TRIO: variants seen among roughly 807,000 people sequenced by gnomAD.
TRIO encodes the protein triple functional domain protein.
A neutral mutation model predicts 351.9 loss-of-function variants in TRIO; 58 were observed. The observed-to-expected ratio is 0.16, with a 90% CI of 0.13 to 0.21. The LOEUF (loss-of-function observed/expected upper bound fraction) is 0.21, where lower values mean the gene tolerates loss of function less well. Ranked by LOEUF, TRIO falls within the 10% of genes least tolerant of loss-of-function variation. The pLI is 1.00. For missense variants in TRIO, 3,201 were observed against 4,027.8 expected (o/e 0.79, Z 5.56); for synonymous variants, 1,758 against 1,595.7 (o/e 1.10, Z -2.42).
intron 34 of TRIO, among the ~76,000 whole-genome samples, chr5:14,450,116 T>C (rs188363132): frequency 6.6e-6 from 1 of 152,278 alleles, no homozygotes; most frequent in African/African-American, 2.4e-5. Context: ...TAAGAGCCAG[T>C]GTGTACATGT....
chr5:14,363,001 CTTTTTTTTTT>C (rs34314596), intron 13 of TRIO, among the ~76,000 whole-genome samples: 1 of 136,084 alleles, frequency 7.3e-6, no homozygotes, highest in Non-Finnish European at 1.6e-5. Context: ...TTTCTATCTA[CTTTTTTTTTT>C]TTTTTTTGAG....
At chr5:14,363,142 G>T (rs1221755910) in intron 13 of TRIO, among the ~76,000 whole-genome samples, 1 of 151,942 alleles carries the variant, frequency 6.6e-6, no homozygotes, top group African/African-American at 2.4e-5. Flanking sequence ...GGGACTACAG[G>T]CACATGCCAC....
At chr5:14,189,499 A>G (rs1790330588) in intron 1 of TRIO, among the ~76,000 whole-genome samples, 1 of 152,180 alleles carries the variant, frequency 6.6e-6, no homozygotes, top group Non-Finnish European at 1.5e-5. Context: ...GTTCCTTTTT[A>G]TCATAAAGTA....
At chr5:14,387,083 G>A (rs182507009) in intron 21 of TRIO, among the ~76,000 whole-genome samples, 49 of 152,328 alleles carry the variant, frequency 3.2e-4, no homozygotes, top group Non-Finnish European at 6.3e-4. Flanking sequence ...TTTGCTCAGC[G>A]GCTTTGAGGA....
intron 1 of TRIO, among the ~76,000 whole-genome samples, chr5:14,248,421 AG>A (rs2152244109): frequency 6.6e-6 from 1 of 152,378 alleles, no homozygotes; most frequent in East Asian, 1.9e-4. Context: ...TGAGTAGATT[AG>A]GAAAGTAAAA....
intron 36 of TRIO, among the ~76,000 whole-genome samples, chr5:14,463,614 C>G (rs945376060): frequency 1.3e-5 from 2 of 151,224 alleles, no homozygotes; most frequent in Non-Finnish European, 2.9e-5. Context: ...TGCACATCCT[C>G]TAGCATTCTG....
rs561559557 is a variant in TRIO at position 14,152,274 on chromosome 5, G to A, written c.157+8392G>A. On this transcript the variant is annotated intron_variant, in intron 1 of 56. Transcript: ENST00000344204. ...TTTCAGTACCAGAGTGATGAAAGCT[G>A]GCATGCAAGGGAACATTACTAGCTC... Among the ~76,000 whole-genome samples, 23 of 152,324 alleles carry A rather than the reference G, an allele frequency of 1.5e-4. No individual in the cohort carries two copies. In the South Asian group the frequency reaches 2.3e-3, roughly 15 times the overall value.
At chr5:14,221,097 A>C (rs1792588573) in intron 1 of TRIO, among the ~76,000 whole-genome samples, 1 of 152,222 alleles carries the variant, frequency 6.6e-6, no homozygotes, top group African/African-American at 2.4e-5. Flanking sequence ...TAGATACCTT[A>C]AGAATTATGC....
intron 11 of TRIO, among the ~76,000 whole-genome samples, chr5:14,357,336 A>G (rs1743709351): frequency 6.6e-6 from 1 of 152,194 alleles, no homozygotes; most frequent in Non-Finnish European, 1.5e-5. Flanking sequence ...CATTTTCTCT[A>G]CATACAAGCC....
chr5:14,363,396 A>G (rs1452652940), intron 13 of TRIO, among the ~76,000 whole-genome samples: 1 of 152,114 alleles, frequency 6.6e-6, no homozygotes, highest in Non-Finnish European at 1.5e-5. Context: ...CATTAGGAAT[A>G]TTACTGGATT....
At chr5:14,307,297 T>G in intron 8 of TRIO, among the ~76,000 whole-genome samples, 1 of 152,212 alleles carries the variant, frequency 6.6e-6, no homozygotes. Flanking sequence ...TTTCCCCAAG[T>G]GTTCCAATGA....
intron 26 of TRIO, chr5:14,390,580 G>A (rs992115265): frequency 2.0e-5 from 11 of 537,270 alleles, no homozygotes; most frequent in African/African-American, 1.9e-4. Flanking sequence ...CAGTCCTTCT[G>A]GGGGATCGTC....
At chr5:14,229,456 T>A (rs1489781509) in intron 1 of TRIO, among the ~76,000 whole-genome samples, 1 of 152,252 alleles carries the variant, frequency 6.6e-6, no homozygotes, top group African/African-American at 2.4e-5. Flanking sequence ...GGGGATCTTT[T>A]TTCTGTACTA....
rs142970888 is a variant in TRIO at position 14,387,663 on chromosome 5, A to G, written c.3765+31A>G. ...TGGCCTTGTGCAAACTGAATAAATT[A>G]TGGTCTTCTTCCTAACGCCCTCTCT... is the stretch of plus-strand genomic sequence containing the variant. On this transcript the variant is annotated intron_variant, in intron 22 of 56. Transcript: ENST00000344204. The G allele has an allele frequency of 8.3e-3, 13,332 of 1,608,636 alleles. 76 individuals carry two copies. Among genetic ancestry groups the G allele is most frequent in the Non-Finnish European group, 0.01 (11,807 of 1,175,802 alleles).
intron 48 of TRIO, chr5:14,489,047 G>C (rs758947669): frequency 3.9e-6 from 3 of 765,106 alleles, no homozygotes; most frequent in East Asian, 2.4e-5. Context: ...GGCCTGGCCC[G>C]TAACACTTTC....
chr5:14,432,929 C>T (rs1404465149), intron 34 of TRIO, among the ~76,000 whole-genome samples: 1 of 152,172 alleles, frequency 6.6e-6, no homozygotes, highest in Non-Finnish European at 1.5e-5. Flanking sequence ...CTCTCATTCT[C>T]TGAAGTTTAA....
chr5:14,416,711 ATCC>A (rs908661424), intron 33 of TRIO, among the ~76,000 whole-genome samples: 1 of 152,212 alleles, frequency 6.6e-6, no homozygotes, highest in African/African-American at 2.4e-5. Context: ...GTCTAGCTTA[ATCC>A]TCCTTCTTCG....
rs115904161 is a variant in TRIO at position 14,439,488 on chromosome 5, A to G, written c.5203+19467A>G. Reference sequence around the variant, plus strand: ...TTTTTAGTTTTTAAATTAATGGCCCATGTTGGCAGTCCGTATTTTGGAAAG... The same window carrying G: ...TTTTTAGTTTTTAAATTAATGGCCCGTGTTGGCAGTCCGTATTTTGGAAAG... On this transcript the variant is annotated intron_variant, in intron 34 of 56. Coordinates refer to ENST00000344204, the MANE Select transcript of TRIO (RefSeq NM_007118.4). 5.5e-3 allele frequency among the ~76,000 whole-genome samples: 832 copies of G among 152,346 alleles called. 7 individuals carry two copies. The highest frequency in any genetic ancestry group is 0.019 in the African/African-American group (780 of 41,580).
At chr5:14,285,410 T>C (rs1736355691) in intron 3 of TRIO, among the ~76,000 whole-genome samples, 1 of 151,864 alleles carries the variant, frequency 6.6e-6, no homozygotes, top group African/African-American at 2.4e-5. Flanking sequence ...TTTGGGGTGT[T>C]GATGTGATAC....
Sources: allele counts gnomAD v4.1 joint callset (sites outside exome capture counted in the v4.1 genomes callset), GRCh38; gene constraint gnomAD v4.1.1; transcripts MANE v1.5; gene names NCBI Gene and HGNC (gene_info 2026-07-23, HGNC 2026-07-21).